Variants in ZNF431 observed in about 807,000 individuals in gnomAD.
ZNF431 encodes zinc finger protein 431.
In ZNF431, 34 loss-of-function variants were observed where a neutral mutation model predicts 57.0. The observed-to-expected ratio is 0.60, with a 90% CI of 0.45 to 0.79. The LOEUF is 0.79. Among genes scored for constraint, ZNF431 ranks in the 30% least tolerant of loss-of-function variants. The pLI is 0.00. For missense variants in ZNF431, 607 were observed against 667.1 expected, an observed-to-expected ratio of 0.91 and a Z score of 0.99; for synonymous variants, 207 against 220.3, an observed-to-expected ratio of 0.94 and a Z score of 0.54.
chr19:21,152,927 C>T (rs1970316115), intron 2 of ZNF431, among the ~76,000 whole-genome samples: 1 of 151,964 alleles, frequency 6.6e-6, no homozygotes, highest in Admixed American at 6.6e-5. Flanking sequence ...GAATTGAGGG[C>T]GAGTCCGTAA....
Position 21,186,600 on chromosome 19 carries a change from A to G in ZNF431, c.*2566A>G, listed in dbSNP as rs1971380045. On this transcript the variant is annotated 3_prime_UTR_variant, in exon 5 of 5. Coordinates refer to ENST00000311048, the MANE Select transcript of ZNF431 (RefSeq NM_133473.4). ...TGGTTTGTATTGAATTTATTACTGT[A>G]CAGTCTATGACTTAGAGTTCTGAAT... 1.3e-5 allele frequency: 2 copies of G among 152,212 alleles called. No homozygotes were observed. The allele number at this position is 152,212 out of a possible 1,614,324, so 9.4% of individuals were successfully genotyped here. A position where few individuals can be genotyped will look rare whatever the true frequency, so the allele number is the denominator to read the frequency against.
At chr19:21,157,298 C>T (rs764072538) in intron 2 of ZNF431, among the ~76,000 whole-genome samples, 42 of 151,574 alleles carry the variant, frequency 2.8e-4, no homozygotes, top group African/African-American at 6.8e-4. Context: ...CCATCACGCC[C>T]GGCTAATTTT....
At chr19:21,181,244 C>T (rs757308042) in intron 4 of ZNF431, among the ~76,000 whole-genome samples, 1 of 151,938 alleles carries the variant, frequency 6.6e-6, no homozygotes, top group African/African-American at 2.4e-5. Flanking sequence ...GTAGCAGCAA[C>T]GGTTTTCAGC....
rs200420660 is a variant in ZNF431 at position 21,175,003 on chromosome 19, C to T, written c.319+7337C>T. On this transcript the variant is annotated intron_variant, in intron 4 of 4. Transcript: ENST00000311048. ...TCCCAATCTGACCTCGTGATCTGCC[C>T]GCCTTGGCCTCCCAAAGTGCTGGGA... 2.8e-4 allele frequency among the ~76,000 whole-genome samples: 43 copies of T among 152,158 alleles called. No individual in the cohort carries two copies. The East Asian group carries it at 6.6e-3, about 23-fold the overall frequency.
intron 2 of ZNF431, among the ~76,000 whole-genome samples, chr19:21,153,056 G>A (rs938440358): frequency 3.9e-5 from 6 of 152,148 alleles, no homozygotes; most frequent in African/African-American, 1.4e-4. Context: ...GCTAAACAAG[G>A]GGTGGAATAT....
intron 4 of ZNF431, among the ~76,000 whole-genome samples, chr19:21,168,113 C>T (rs1970776490): frequency 6.6e-6 from 1 of 151,980 alleles, no homozygotes; most frequent in African/African-American, 2.4e-5. Context: ...AATTTTTTTG[C>T]ATATTTCATC....
In ZNF431 at chr19:21,191,170, T is replaced by TG. The variant is rs1355500045; in HGVS notation, c.*7137dup. ...GATGTTTAGGTTAAATCAAAAAACT[T>TG]GCGGCCAGGCGCAGTGGCTCACACC... On this transcript the variant is annotated 3_prime_UTR_variant, in exon 5 of 5. Coordinates refer to ENST00000311048, the MANE Select transcript of ZNF431 (RefSeq NM_133473.4). The TG allele has an allele frequency of 6.6e-6, 1 of 151,976 alleles. No individual in the cohort carries two copies. Among genetic ancestry groups the TG allele is most frequent in the Non-Finnish European group, 1.5e-5 (1 of 68,022 alleles). 9.4% of individuals were successfully genotyped at this position (151,976 alleles called of 1,614,324 possible).
chr19:21,171,005 A>G (rs893155103), intron 4 of ZNF431, among the ~76,000 whole-genome samples: 67 of 152,352 alleles, frequency 4.4e-4, no homozygotes, highest in African/African-American at 1.6e-3. Context: ...TTTGTTTTAC[A>G]TATCAGAGGC....
chr19:21,153,313 T>C (rs928463479), intron 2 of ZNF431, among the ~76,000 whole-genome samples: 1 of 152,196 alleles, frequency 6.6e-6, no homozygotes, highest in Non-Finnish European at 1.5e-5. Flanking sequence ...TCTAACCATC[T>C]GGGAATTCAG....
chr19:21,151,140 C>T (rs1047893347), intron 2 of ZNF431: 4 of 152,080 alleles, frequency 2.6e-5, no homozygotes, highest in African/African-American at 9.7e-5. Context: ...ACTGTAATAT[C>T]TGCCTCCCAG....
intron 2 of ZNF431, among the ~76,000 whole-genome samples, chr19:21,163,499 T>G (rs980226211): frequency 1.3e-5 from 2 of 152,196 alleles, no homozygotes; most frequent in African/African-American, 4.8e-5. Context: ...TCACATTACA[T>G]AGATTGGGAC....
At position 21,188,513 on chromosome 19, in the gene ZNF431, G is replaced by C. The variant is rs1037216007; in HGVS notation, c.*4479G>C. The stretch of plus-strand genomic sequence containing the variant: ...CAGAATCTTTTATTTTTAAGTGTGA[G>C]TGTTAAAGGTTACAAAATAATGAAA... On this transcript the variant is annotated 3_prime_UTR_variant, in exon 5 of 5. Transcript: ENST00000311048. 5.9e-5 allele frequency: 9 copies of C among 152,120 alleles called. No individual in the cohort carries two copies. The highest frequency in any genetic ancestry group is 1.2e-4 in the Non-Finnish European group (8 of 68,022). The allele number at this position is 152,120 out of a possible 1,614,324, so 9.4% of individuals were successfully genotyped here.
chr19:21,144,257 G>A (rs1970022820), intron 2 of ZNF431, among the ~76,000 whole-genome samples: 1 of 151,710 alleles, frequency 6.6e-6, no homozygotes, highest in Admixed American at 6.6e-5. Context: ...GGCTGCAGAA[G>A]GATTGATCTT....
intron 2 of ZNF431, among the ~76,000 whole-genome samples, chr19:21,153,870 C>A (rs944796440): frequency 6.6e-6 from 1 of 152,170 alleles, no homozygotes; most frequent in African/African-American, 2.4e-5. Context: ...GCGCCCACCA[C>A]CATGCCCGTC....
chr19:21,194,469 ATTACT>A lies in ZNF431; in HGVS notation c.*10438_*10442del, dbSNP rs1396657970. 1 of 151,194 alleles carries A rather than the reference ATTACT, an allele frequency of 6.6e-6. No individual in the cohort carries two copies. The highest frequency in any genetic ancestry group is 1.5e-5 in the Non-Finnish European group (1 of 67,778). 9.4% of individuals were successfully genotyped at this position (151,194 alleles called of 1,614,324 possible). On this transcript the variant is annotated 3_prime_UTR_variant, in exon 5 of 5. Transcript: ENST00000311048. ...TTTTTGTTTTTTTATCAAAATGTCG[ATTACT>A]TTTTTTTTTTTTTTGAGACAGTGTT...
Position 21,193,305 on chromosome 19 carries a change from G to C in ZNF431, c.*9271G>C, listed in dbSNP as rs771444960. On this transcript the variant is annotated 3_prime_UTR_variant, in exon 5 of 5. Transcript: ENST00000311048. ...GCACTTTGGAAGGCCGAGGTGGGCG[G>C]GTCACCTGAGGTCGGGAGTTTGAGA... 6.6e-6 allele frequency: 1 copy of C among 152,226 alleles called. No individual in the cohort carries two copies. Among genetic ancestry groups the C allele is most frequent in the Non-Finnish European group, 1.5e-5 (1 of 68,070 alleles). The allele number at this position is 152,226 out of a possible 1,614,324, so 9.4% of individuals were successfully genotyped here.
At chr19:21,160,272 T>A (rs1970536344) in intron 2 of ZNF431, among the ~76,000 whole-genome samples, 1 of 152,106 alleles carries the variant, frequency 6.6e-6, no homozygotes, top group Non-Finnish European at 1.5e-5. Flanking sequence ...CTTTTTAAGC[T>A]TTTTAGATCT....
intron 1 of ZNF431, among the ~76,000 whole-genome samples, chr19:21,143,254 A>G (rs1212398149): frequency 1.3e-5 from 2 of 151,166 alleles, no homozygotes; most frequent in Admixed American, 6.6e-5. Flanking sequence ...TAAAAAAAAT[A>G]TCTGTAAATA....
chr19:21,151,742 A>G (rs556392099), intron 2 of ZNF431, among the ~76,000 whole-genome samples: 1 of 152,328 alleles, frequency 6.6e-6, no homozygotes, highest in South Asian at 2.1e-4. Context: ...ACCCCTCTTA[A>G]TGACAGAAGA....
Sources: gnomAD v4.1 joint callset for allele counts (sites outside exome capture counted in the v4.1 genomes callset) on GRCh38, gnomAD v4.1.1 for gene constraint, MANE v1.5 for transcripts, NCBI Gene and HGNC (gene_info 2026-07-23, HGNC 2026-07-21) for gene names.